TMPRSS2: variants seen among roughly 807,000 people sequenced by gnomAD.
TMPRSS2 encodes transmembrane serine protease 2, also known as transmembrane protease serine 2.
In TMPRSS2, 59 loss-of-function variants were observed where a neutral mutation model predicts 67.4. The observed-to-expected ratio is 0.88, with a 90% confidence interval of 0.71 to 1.09. The LOEUF (loss-of-function observed/expected upper bound fraction) is 1.09, where lower values mean the gene tolerates loss of function less well. Among genes scored for constraint, TMPRSS2 ranks in the 50% least tolerant of loss-of-function variants. TMPRSS2 has a pLI of 0.00. For missense variants in TMPRSS2, 668 were observed against 642.7 expected, an observed-to-expected ratio of 1.04 and a Z score of -0.43; for synonymous variants, 257 against 257.0, an observed-to-expected ratio of 1.00 and a Z score of 0.00.
rs887355042 is a variant in TMPRSS2 at position 41,465,731 on chromosome 21, G to A, written c.*411C>T. 1.1e-5 allele frequency: 3 copies of A among 269,572 alleles called. No homozygotes were observed. The South Asian group carries it at 3.6e-4, about 32-fold the overall frequency. 16.7% of individuals were successfully genotyped at this position (269,572 alleles called of 1,614,324 possible). A position where few individuals can be genotyped will look rare whatever the true frequency, so the allele number is the denominator to read the frequency against. Reference sequence around the variant, plus strand: ...CAAGTGGCCCCAGAGGGCAGCCGCTGCAGGTGCCACCTGGCTGTCTCCCTT... The same window carrying A: ...CAAGTGGCCCCAGAGGGCAGCCGCTACAGGTGCCACCTGGCTGTCTCCCTT... On this transcript the variant is annotated 3_prime_UTR_variant, in exon 14 of 14. Coordinates refer to ENST00000332149, the MANE Select transcript of TMPRSS2 (RefSeq NM_005656.4).
At chr21:41,476,971 A>G (rs1040710553) in intron 7 of TMPRSS2, among the ~76,000 whole-genome samples, 1 of 152,184 alleles carries the variant, frequency 6.6e-6, no homozygotes, top group African/African-American at 2.4e-5. Flanking sequence ...ATTTTTAAGG[A>G]AGCCATTTGG....
chr21:41,508,030 C>T lies in TMPRSS2; in HGVS notation c.-57+51G>A, dbSNP rs565468881. The T allele has an allele frequency of 1.0e-4, 135 of 1,313,884 alleles. No homozygotes were observed. The African/African-American group carries it at 1.6e-3, about 16-fold the overall frequency. 81.4% of individuals were successfully genotyped at this position (1,313,884 alleles called of 1,614,324 possible). A position where few individuals can be genotyped will look rare whatever the true frequency, so the allele number is the denominator to read the frequency against. On this transcript the variant is annotated intron_variant, in intron 1 of 13. Coordinates refer to ENST00000332149, the MANE Select transcript of TMPRSS2 (RefSeq NM_005656.4). ...CGGCGGGTCCCAGGCGCCCAGGTTC[C>T]CCTCCCCAGCCCGGACCCCGAGCCG...
rs1428677799 is a variant in TMPRSS2, at chr21:41,468,536, T to G, written c.1174A>C (p.Lys392Gln). Residue 392 changes from lysine to glutamine, a missense_variant and splice_region_variant, in exon 12 of 14, where the codon AAG (lysine) becomes CAG (glutamine). Transcript: ENST00000332149. ...SGWGATEEKG[K>Q]TSEVLNAAKV... Reference sequence around the variant, plus strand: ...GCAGCGTTCAGCACTTCTGAGGTCTTCCCTAAGGACAGGGAGACTTGTTGA... The same window carrying G: ...GCAGCGTTCAGCACTTCTGAGGTCTGCCCTAAGGACAGGGAGACTTGTTGA... The G allele has an allele frequency of 2.5e-6, 4 of 1,613,932 alleles. No individual in the cohort carries two copies. The highest frequency in any genetic ancestry group is 3.4e-6 in the Non-Finnish European group (4 of 1,180,008).
intron 4 of TMPRSS2, among the ~76,000 whole-genome samples, chr21:41,489,206 A>G (rs78459594): frequency 6.6e-6 from 1 of 152,194 alleles, no homozygotes; most frequent in Non-Finnish European, 1.5e-5. Context: ...CTGGTCCCCA[A>G]CAGCCACTGC....
chr21:41,470,412 G>A (rs908407576), intron 11 of TMPRSS2, among the ~76,000 whole-genome samples: 1 of 152,218 alleles, frequency 6.6e-6, no homozygotes, highest in African/African-American at 2.4e-5. Flanking sequence ...TACTTCAAAA[G>A]CCATTCCACA....
intron 3 of TMPRSS2, 67 bp downstream of exon 3, chr21:41,494,289 G>T: frequency 6.5e-7 from 1 of 1,531,766 alleles, no homozygotes; most frequent in Non-Finnish European, 8.9e-7. Flanking sequence ...GGAGCAGAGA[G>T]CCCACTGGGG....
Position 41,508,021 on chromosome 21 carries a change from C to A in TMPRSS2, c.-57+60G>T, listed in dbSNP as rs2091471351. 5.9e-6 allele frequency: 8 copies of A among 1,347,816 alleles called. No individual in the cohort carries two copies. In the South Asian group the frequency reaches 1.4e-4, roughly 24 times the overall value. 83.5% of individuals were successfully genotyped at this position (1,347,816 alleles called of 1,614,324 possible). A position where few individuals can be genotyped will look rare whatever the true frequency, so the allele number is the denominator to read the frequency against. On this transcript the variant is annotated intron_variant, in intron 1 of 13. Coordinates refer to ENST00000332149, the MANE Select transcript of TMPRSS2 (RefSeq NM_005656.4). Reference sequence around the variant, plus strand: ...AGGGGGCATCGGCGGGTCCCAGGCGCCCAGGTTCCCCTCCCCAGCCCGGAC... The same window carrying A: ...AGGGGGCATCGGCGGGTCCCAGGCGACCAGGTTCCCCTCCCCAGCCCGGAC...
At chr21:41,498,635 AT>A (rs1424835253) in intron 1 of TMPRSS2, among the ~76,000 whole-genome samples, 1 of 152,210 alleles carries the variant, frequency 6.6e-6, no homozygotes, top group Non-Finnish European at 1.5e-5. Context: ...AAGCTGTGAT[AT>A]CCCCTATACA....
intron 1 of TMPRSS2, among the ~76,000 whole-genome samples, chr21:41,505,432 A>G (rs1172280011): frequency 6.6e-6 from 1 of 152,166 alleles, no homozygotes; most frequent in Non-Finnish European, 1.5e-5. Context: ...TCGGATGATG[A>G]TGATCGTGGT....
intron 8 of TMPRSS2, 131 bp downstream of exon 8, chr21:41,476,446 C>T (rs2091213813): frequency 2.3e-6 from 2 of 864,374 alleles, no homozygotes; most frequent in South Asian, 2.9e-5. Flanking sequence ...CGAGACGCCG[C>T]TGGGCACATT....
At chr21:41,480,993 C>T (rs2091253377) in intron 5 of TMPRSS2, among the ~76,000 whole-genome samples, 1 of 152,142 alleles carries the variant, frequency 6.6e-6, no homozygotes, top group Non-Finnish European at 1.5e-5. Flanking sequence ...CTCCACGGCT[C>T]CGGAGGTGGC....
chr21:41,468,699 T>A, intron 11 of TMPRSS2, 161 bp from the exon 12 acceptor site: 1 of 710,594 alleles, frequency 1.4e-6, no homozygotes, highest in Non-Finnish European at 2.3e-6. Context: ...ACCCCTCTCC[T>A]GGGAAACCTG....
chr21:41,507,370 C>G (rs1026799233), intron 1 of TMPRSS2, among the ~76,000 whole-genome samples: 1 of 152,120 alleles, frequency 6.6e-6, no homozygotes, highest in African/African-American at 2.4e-5. Flanking sequence ...GGGTTCCTGC[C>G]GGTGCCGGGT....
At chr21:41,482,278 CCA>C (rs2091262911) in intron 5 of TMPRSS2, among the ~76,000 whole-genome samples, 1 of 152,106 alleles carries the variant, frequency 6.6e-6, no homozygotes, top group African/African-American at 2.4e-5. Flanking sequence ...TAACCACCAT[CCA>C]GAGTTTTGGG....
intron 8 of TMPRSS2, among the ~76,000 whole-genome samples, chr21:41,475,116 A>T: frequency 2.0e-4 from 1 of 5,044 alleles, no homozygotes. Flanking sequence ...AGTAATTCAG[A>T]GGGTGAAGGG....
chr21:41,494,502 G>T lies in TMPRSS2; in HGVS notation c.92C>A (p.Thr31Asn). The T allele has an allele frequency of 6.2e-7, 1 of 1,614,136 alleles. No homozygotes were observed. The highest frequency in any genetic ancestry group is 1.1e-5 in the South Asian group (1 of 91,084). ...QPENPYPAQP[T>N]VVPTVYEVHP... ...CACCTCGTAGACAGTGGGGACCACA[G>T]TGGGCTGTGCGGGATAGGGGTTTTC... The change falls in exon 3 of 14, where the codon ACT becomes AAT. Residue 31 changes from threonine to asparagine, a missense_variant. Thr to Asn is a moderately conservative substitution (Grantham distance 65). Coordinates refer to ENST00000332149, the MANE Select transcript of TMPRSS2 (RefSeq NM_005656.4).
chr21:41,480,360 G>A (rs2091247402), intron 6 of TMPRSS2, 116 bp downstream of exon 6: 1 of 1,492,426 alleles, frequency 6.7e-7, no homozygotes, highest in East Asian at 2.3e-5. Flanking sequence ...CTTTTGGAAG[G>A]TGACAATTGT....
chr21:41,479,231 G>C lies in TMPRSS2; in HGVS notation c.624C>G (p.Ser208Arg), dbSNP rs955405398. The C allele has an allele frequency of 4.3e-6, 7 of 1,613,900 alleles. No homozygotes were observed. In the Admixed American group the frequency reaches 1.2e-4, roughly 27 times the overall value. ...CGGCACTTGTGTTCAGTTTCATAAA[G>C]CTGGTGGATCCGCTGTCATCCACTA... ...QGIVDDSGSTSFMKLNTSAGN... is the reference protein window; with the variant it reads ...QGIVDDSGSTRFMKLNTSAGN... The change falls in exon 7 of 14, where the codon AGC (serine) becomes AGG (arginine). Residue 208 changes from serine to arginine, a missense_variant. Ser to Arg is a moderately radical substitution (Grantham distance 110). Coordinates refer to ENST00000332149, the MANE Select transcript of TMPRSS2 (RefSeq NM_005656.4).
chr21:41,494,272 G>T, intron 3 of TMPRSS2, 84 bp downstream of exon 3: 2 of 1,413,360 alleles, frequency 1.4e-6, no homozygotes, highest in Non-Finnish European at 2.0e-6. Flanking sequence ...TGGCGACAGT[G>T]GTGTTGGGAG....
Sources: gnomAD v4.1 joint callset for allele counts (sites outside exome capture counted in the v4.1 genomes callset) on GRCh38, gnomAD v4.1.1 for gene constraint, MANE v1.5 for transcripts, NCBI Gene and HGNC (gene_info 2026-07-23, HGNC 2026-07-21) for gene names.